RELCH: variants seen among roughly 807,000 people sequenced by gnomAD.
RELCH encodes the protein RAB11-binding protein RELCH.
RELCH carries 41 observed loss-of-function variants against 150.3 expected under a neutral mutation model. The ratio of observed to expected loss-of-function variants is 0.27; its 90% confidence interval spans 0.21 to 0.35. The LOEUF is 0.35. RELCH is among the 10% of genes least tolerant of loss of function. The pLI, the probability that RELCH is intolerant of heterozygous loss-of-function variation, is 1.00. For synonymous variants in RELCH, 478 were observed against 531.8 expected (o/e 0.90, Z 1.39); for missense variants, 1,092 against 1,467.8 (o/e 0.74, Z 4.18).
At chr18:62,288,903 GAA>G (rs2044962205) in intron 26 of RELCH, among the ~76,000 whole-genome samples, 1 of 150,526 alleles carries the variant, frequency 6.6e-6, no homozygotes, top group Non-Finnish European at 1.5e-5. Context: ...GTATCTCAAA[GAA>G]AGAAAACATT....
rs141345045 is a variant in RELCH, at chr18:62,289,666, T to C, written c.3371-1877T>C. ...TTGAGCTATCTAAAATGCAGTGATC[T>C]CCCTTAATAAACTAAGAATCTTCTT... On this transcript the variant is annotated intron_variant, in intron 26 of 28. Coordinates refer to ENST00000644646, the MANE Select transcript of RELCH (RefSeq NM_001346231.2). Among the ~76,000 whole-genome samples the C allele has an allele frequency of 1.6e-4, 24 of 152,310 alleles. No homozygotes were observed. In the East Asian group the frequency reaches 4.6e-3, roughly 29 times the overall value.
At chr18:62,238,653 G>T (rs2041991989) in intron 10 of RELCH, among the ~76,000 whole-genome samples, 1 of 151,972 alleles carries the variant, frequency 6.6e-6, no homozygotes, top group Admixed American at 6.6e-5. Context: ...ATCTGGGGCT[G>T]AGATGGGAGT....
intron 1 of RELCH, among the ~76,000 whole-genome samples, chr18:62,191,047 G>A (rs2148163260): frequency 6.6e-6 from 1 of 152,254 alleles, no homozygotes; most frequent in African/African-American, 2.4e-5. Flanking sequence ...TGTATTTCTA[G>A]ATCATTCCTT....
In RELCH at chr18:62,227,581, T is replaced by C; in HGVS notation, c.1063-17T>C. The C allele has an allele frequency of 2.0e-6, 3 of 1,530,812 alleles. No individual in the cohort carries two copies. Among genetic ancestry groups the C allele is most frequent in the Non-Finnish European group, 1.8e-6 (2 of 1,115,970 alleles). The allele number at this position is 1,530,812 out of a possible 1,614,324, so 94.8% of individuals were successfully genotyped here. A position where few individuals can be genotyped will look rare whatever the true frequency, so the allele number is the denominator to read the frequency against. On this transcript the variant is annotated splice_polypyrimidine_tract_variant and intron_variant, in intron 6 of 28. Transcript: ENST00000644646. ...GTGAGATCTTGAGTTTCTGTTTTTC[T>C]CCTGTTTTGATTTTAGAACTCCATG... is the stretch of plus-strand genomic sequence containing the variant.
At chr18:62,211,322 C>A in intron 2 of RELCH, 80 bp downstream of exon 2, 2 of 870,800 alleles carry the variant, frequency 2.3e-6, no homozygotes, top group South Asian at 1.4e-5. Flanking sequence ...TTTTTTCCTT[C>A]TACAGTTTGG....
chr18:62,273,830 T>C (rs1352999273), intron 20 of RELCH, 150 bp from the exon 21 acceptor site: 2 of 572,208 alleles, frequency 3.5e-6, no homozygotes, highest in Non-Finnish European at 6.2e-6. Context: ...ATGATAGATA[T>C]GCTTAATAAA....
chr18:62,222,719 G>A (rs1047595861), intron 5 of RELCH, among the ~76,000 whole-genome samples: 1 of 151,798 alleles, frequency 6.6e-6, no homozygotes, highest in African/African-American at 2.4e-5. Flanking sequence ...ATCAACCAAT[G>A]GGCATAATTA....
At chr18:62,282,548 T>C in intron 25 of RELCH, 104 bp downstream of exon 25, 1 of 1,111,634 alleles carries the variant, frequency 9.0e-7, no homozygotes, top group South Asian at 1.3e-5. Context: ...GCATTTGTCA[T>C]GTGTTAAAGC....
At chr18:62,190,041 A>G (rs2038505729) in intron 1 of RELCH, among the ~76,000 whole-genome samples, 1 of 152,204 alleles carries the variant, frequency 6.6e-6, no homozygotes, top group Non-Finnish European at 1.5e-5. Context: ...AAAATTCAAA[A>G]TTATCCATAA....
chr18:62,285,697 G>A (rs144017360), intron 25 of RELCH: 1 of 152,326 alleles, frequency 6.6e-6, no homozygotes, highest in African/African-American at 2.4e-5. Context: ...TGAGGCTGTG[G>A]TGCACTATGA....
At chr18:62,245,869 C>G (rs2042384488) in intron 11 of RELCH, 1 of 152,152 alleles carries the variant, frequency 6.6e-6, no homozygotes, top group South Asian at 2.1e-4. Flanking sequence ...CCCAAACCCT[C>G]TAGTGGAAGG....
chr18:62,248,180 C>T (rs1258122033), intron 11 of RELCH, among the ~76,000 whole-genome samples: 3 of 152,172 alleles, frequency 2.0e-5, no homozygotes, highest in Admixed American at 2.0e-4. Context: ...CCTGTATATA[C>T]ATGTTTATAA....
chr18:62,305,350 TAAATA>T lies in RELCH; in HGVS notation c.3531-61_3531-57del. ...AGTGTGTTCGTTAATGATATGCTAC[TAAATA>T]AATGAAAAATTTTTATTTTTTTAAT... On this transcript the variant is annotated intron_variant, in intron 28 of 28. Coordinates refer to ENST00000644646, the MANE Select transcript of RELCH (RefSeq NM_001346231.2). This position sits in a 1 kb window ranked among gnomAD's most constrained non-coding sequence, Gnocchi z 4.0. 6.9e-7 allele frequency: 1 copy of T among 1,454,060 alleles called. No homozygotes were observed. Among genetic ancestry groups the T allele is most frequent in the Non-Finnish European group, 9.3e-7 (1 of 1,076,046 alleles). The allele number at this position is 1,454,060 out of a possible 1,614,324, so 90.1% of individuals were successfully genotyped here.
intron 1 of RELCH, among the ~76,000 whole-genome samples, chr18:62,210,189 C>G (rs2040069591): frequency 6.6e-6 from 1 of 152,098 alleles, no homozygotes; most frequent in Admixed American, 6.5e-5. Flanking sequence ...AATATTTTCT[C>G]TAAATTTTTG....
At chr18:62,220,946 T>C in intron 2 of RELCH, 91 bp from the exon 3 acceptor site, 1 of 985,652 alleles carries the variant, frequency 1.0e-6, no homozygotes. Context: ...GTATTTTTTT[T>C]TCATACCCAT....
intron 1 of RELCH, among the ~76,000 whole-genome samples, chr18:62,197,994 A>G (rs1160024992): frequency 6.6e-6 from 1 of 152,212 alleles, no homozygotes; most frequent in Non-Finnish European, 1.5e-5. Context: ...GCTTGGGTAA[A>G]TCACTTCTTA....
chr18:62,282,335 T>G lies in RELCH; in HGVS notation c.3144T>G (p.Ala1048=). The G allele has an allele frequency of 6.2e-7, 1 of 1,613,262 alleles. No individual in the cohort carries two copies. The highest frequency in any genetic ancestry group is 1.1e-5 in the South Asian group (1 of 91,018). ...ELLERVKMQL[A]SFLEDPQYQD... ...TGGAAAGAGTGAAAATGCAGTTGGCTTCTTTCCTGGAAGATCCTCAGTATC... is the reference window on the plus strand; with the variant it reads ...TGGAAAGAGTGAAAATGCAGTTGGCGTCTTTCCTGGAAGATCCTCAGTATC... Residue 1048 remains alanine, a synonymous_variant, in exon 25 of 29, where the codon GCT becomes GCG. Coordinates refer to ENST00000644646, the MANE Select transcript of RELCH (RefSeq NM_001346231.2).
At chr18:62,284,051 A>C (rs1399057962) in intron 25 of RELCH, among the ~76,000 whole-genome samples, 1 of 152,208 alleles carries the variant, frequency 6.6e-6, no homozygotes, top group Non-Finnish European at 1.5e-5. Context: ...ACTCATGATA[A>C]TCTGGGAAGA....
rs191240541 is a variant in RELCH at position 62,202,552 on chromosome 18, G to A, written c.527-8601G>A. Among the ~76,000 whole-genome samples, 350 of 152,092 alleles carry A rather than the reference G, an allele frequency of 2.3e-3. 1 individual carries two copies. Among genetic ancestry groups the A allele is most frequent in the African/African-American group, 7.9e-3 (330 of 41,516 alleles). ...CTGGAGAATATGAAGTTGTTGGCTTGGAACTAGAAAAAATTAGAAAATATA... is the reference window on the plus strand; with the variant it reads ...CTGGAGAATATGAAGTTGTTGGCTTAGAACTAGAAAAAATTAGAAAATATA... On this transcript the variant is annotated intron_variant, in intron 1 of 28. Transcript: ENST00000644646.
Sources: gnomAD v4.1 joint callset for allele counts (sites outside exome capture counted in the v4.1 genomes callset) on GRCh38, gnomAD v4.1.1 for gene constraint, Gnocchi (gnomAD v3.1) non-coding constraint, MANE v1.5 for transcripts, NCBI Gene and HGNC (gene_info 2026-07-23, HGNC 2026-07-21) for gene names.